DDX42: variants seen among roughly 807,000 people sequenced by gnomAD.
DDX42 encodes DEAD-box helicase 42.
In DDX42, 22 loss-of-function variants were observed where a neutral mutation model predicts 101.5. The ratio of observed to expected loss-of-function variants is 0.22; its 90% CI spans 0.15 to 0.31. The LOEUF is 0.31. Ranked by LOEUF, DDX42 falls within the 10% of genes least tolerant of loss-of-function variation. DDX42 has a pLI of 1.00. For synonymous variants in DDX42, 402 were observed against 401.2 expected (o/e 1.00, Z -0.02); for missense variants, 849 against 1,199.9 (o/e 0.71, Z 4.32).
At chr17:63,781,129 G>A (rs2039482922) in intron 1 of DDX42, among the ~76,000 whole-genome samples, 1 of 152,128 alleles carries the variant, frequency 6.6e-6, no homozygotes, top group Non-Finnish European at 1.5e-5. Flanking sequence ...TTACTTGCCA[G>A]GTACTCCTCA....
chr17:63,788,867 A>G (rs1251559202), intron 2 of DDX42, among the ~76,000 whole-genome samples: 1 of 151,880 alleles, frequency 6.6e-6, no homozygotes, highest in African/African-American at 2.4e-5. Context: ...ACACTGCTTC[A>G]CTGCTTGAGG....
At chr17:63,813,967 G>A (rs1238606794) in intron 15 of DDX42, among the ~76,000 whole-genome samples, 1 of 152,024 alleles carries the variant, frequency 6.6e-6, no homozygotes, top group East Asian at 1.9e-4. Flanking sequence ...AGCCTCCCAA[G>A]CAGTTGTGAT....
chr17:63,789,204 A>G (rs1490184362), intron 2 of DDX42, among the ~76,000 whole-genome samples: 1 of 150,890 alleles, frequency 6.6e-6, no homozygotes, highest in Non-Finnish European at 1.5e-5. Flanking sequence ...TCAGCCTCCC[A>G]TGTAGCTGGG....
At chr17:63,804,330 G>A (rs1476058370) in intron 6 of DDX42, among the ~76,000 whole-genome samples, 1 of 152,066 alleles carries the variant, frequency 6.6e-6, no homozygotes, top group Non-Finnish European at 1.5e-5. Flanking sequence ...GATAGGTGGT[G>A]ATGTGCTTAT....
At chr17:63,787,905 G>GTTTTT (rs780070919) in intron 2 of DDX42, among the ~76,000 whole-genome samples, 3 of 107,884 alleles carry the variant, frequency 2.8e-5, no homozygotes, top group African/African-American at 1.3e-4. Flanking sequence ...AATTCATGTG[G>GTTTTT]TTTTTTTTTT....
intron 15 of DDX42, among the ~76,000 whole-genome samples, chr17:63,814,698 T>TTTTTTC (rs2039955013): frequency 8.8e-6 from 1 of 113,454 alleles, no homozygotes; most frequent in African/African-American, 3.4e-5. Flanking sequence ...TTTTTTTTTT[T>TTTTTTC]CTTTTTTCTG....
chr17:63,781,836 C>T (rs1250909625), intron 1 of DDX42, among the ~76,000 whole-genome samples: 4 of 136,372 alleles, frequency 2.9e-5, no homozygotes, highest in Non-Finnish European at 6.4e-5. Context: ...TGGTGAAACC[C>T]CGTCTCTACT....
chr17:63,818,075 C>T lies in DDX42; in HGVS notation c.2494C>T (p.Pro832Ser), dbSNP rs758006610. ...GETGNRHSDS[P>S]RHGDGGRHGD... ...GACTGGCAATCGGCATAGCGATAGTCCACGTCACGGAGATGGTGGTCGCCA... is the reference window on the plus strand; with the variant it reads ...GACTGGCAATCGGCATAGCGATAGTTCACGTCACGGAGATGGTGGTCGCCA... Residue 832 changes from proline (P) to serine (S), a missense_variant, in exon 18 of 18, where the codon CCA (proline) becomes TCA (serine). Transcript: ENST00000389924. 6 of 1,613,972 alleles carry T rather than the reference C, an allele frequency of 3.7e-6. No individual in the cohort carries two copies. The East Asian group carries it at 1.3e-4, about 36-fold the overall frequency.
chr17:63,793,495 T>G (rs1287519126), intron 3 of DDX42, among the ~76,000 whole-genome samples: 1 of 152,182 alleles, frequency 6.6e-6, no homozygotes, highest in Non-Finnish European at 1.5e-5. Context: ...TTTGAACTTC[T>G]AGCCTCAAGT....
rs1489567159 is a variant in DDX42, at chr17:63,787,131, G to C, written c.82G>C (p.Glu28Gln). ...TGCCATCAGTGCTGGGAAAAAGGAG[G>C]AACCCAAACTCCCACAGCAGTCCCA... is the stretch of plus-strand genomic sequence containing the variant. ...GFAISAGKKE[E>Q]PKLPQQSHSA... The change falls in exon 2 of 18, where the codon GAA becomes CAA. Residue 28 changes from glutamate to glutamine, a missense_variant. Glu to Gln is a conservative substitution (Grantham distance 29). Coordinates refer to ENST00000389924, the MANE Select transcript of DDX42 (RefSeq NM_203499.3). 3.7e-6 allele frequency: 6 copies of C among 1,614,054 alleles called. No homozygotes were observed. The Admixed American group carries it at 5.0e-5, about 13-fold the overall frequency.
In DDX42 at chr17:63,776,633, CT is replaced by C. The variant is rs773294172; in HGVS notation, c.-17+2273del. ...CTCTTGAGATAGGTGATAGTCTCAT[CT>C]TTTTTTTTTTTTTTTGAGATGGTGT... On this transcript the variant is annotated intron_variant, in intron 1 of 17. Coordinates refer to ENST00000389924, the MANE Select transcript of DDX42 (RefSeq NM_203499.3). Among the ~76,000 whole-genome samples, 786 of 139,788 alleles carry C rather than the reference CT, an allele frequency of 5.6e-3. 8 individuals are homozygous for C. The highest frequency in any genetic ancestry group is 0.012 in the African/African-American group (465 of 38,072). The allele number at this position is 139,788 out of a possible 152,430, so 91.7% of individuals were successfully genotyped here.
intron 3 of DDX42, among the ~76,000 whole-genome samples, chr17:63,797,748 A>G (rs2039711448): frequency 6.6e-6 from 1 of 152,228 alleles, no homozygotes; most frequent in Non-Finnish European, 1.5e-5. Flanking sequence ...TAATTTTATC[A>G]TTAACTTAAA....
intron 16 of DDX42, chr17:63,816,647 T>G (rs2039980219): frequency 2.5e-6 from 1 of 402,826 alleles, no homozygotes; most frequent in Non-Finnish European, 4.4e-6. Context: ...GCATTTCTGT[T>G]TAATAGGGTT....
At chr17:63,794,000 C>T (rs1230873462) in intron 3 of DDX42, among the ~76,000 whole-genome samples, 1 of 151,948 alleles carries the variant, frequency 6.6e-6, no homozygotes, top group Non-Finnish European at 1.5e-5. Flanking sequence ...CTTAGTAGTC[C>T]TGAAGGTCTA....
chr17:63,806,686 T>C, intron 8 of DDX42, 32 bp downstream of exon 8: 1 of 1,586,778 alleles, frequency 6.3e-7, no homozygotes, highest in South Asian at 1.2e-5. Flanking sequence ...AAAAATAAAG[T>C]AGGGTAGTCT....
intron 3 of DDX42, among the ~76,000 whole-genome samples, chr17:63,797,340 G>A (rs1202882250): frequency 5.2e-5 from 5 of 95,938 alleles, no homozygotes; most frequent in South Asian, 3.7e-4. Context: ...CAACGAGAGC[G>A]AAACTCCATC....
intron 2 of DDX42, among the ~76,000 whole-genome samples, chr17:63,789,099 G>T (rs1701761365): frequency 6.6e-6 from 1 of 151,150 alleles, no homozygotes; most frequent in Non-Finnish European, 1.5e-5. Context: ...TCTTTTTTGA[G>T]ATGGAGTCTC....
At chr17:63,807,082 G>A (rs1193364919) in intron 8 of DDX42, among the ~76,000 whole-genome samples, 1 of 152,060 alleles carries the variant, frequency 6.6e-6, no homozygotes, top group Non-Finnish European at 1.5e-5. Context: ...CTTAAGGGGG[G>A]AAAATTTTTA....
At chr17:63,811,024 A>G (rs2039903499) in intron 12 of DDX42, 52 bp from the exon 13 acceptor site, 1 of 1,454,220 alleles carries the variant, frequency 6.9e-7, no homozygotes, top group Non-Finnish European at 9.6e-7. Context: ...CTTAATGGGT[A>G]TGCATAAAGA....
Sources: gnomAD v4.1 joint callset for allele counts (sites outside exome capture counted in the v4.1 genomes callset) on GRCh38, gnomAD v4.1.1 for gene constraint, MANE v1.5 for transcripts, NCBI Gene and HGNC (gene_info 2026-07-23, HGNC 2026-07-21) for gene names.